The following FSTL5 variants were observed in gnomAD, a reference collection of about 807,000 sequenced individuals.
The protein encoded by FSTL5 is follistatin like 5.
Under a neutral mutation model 89.1 loss-of-function variants are expected in FSTL5, and 62 were observed. The ratio of observed to expected loss-of-function variants is 0.70; its 90% CI spans 0.57 to 0.86. The LOEUF (loss-of-function observed/expected upper bound fraction) is 0.86, where lower values mean the gene tolerates loss of function less well. FSTL5 is among the 40% of genes least tolerant of loss of function. The pLI, the probability that FSTL5 is intolerant of heterozygous loss-of-function variation, is 0.00. For missense variants in FSTL5, 1,057 were observed against 1,001.6 expected (o/e 1.06, Z -0.75); for synonymous variants, 383 against 346.2 (o/e 1.11, Z -1.18).
intron 8 of FSTL5, among the ~76,000 whole-genome samples, chr4:161,553,900 T>C (rs1266105112): frequency 6.6e-6 from 1 of 151,602 alleles, no homozygotes; most frequent in Non-Finnish European, 1.5e-5. Flanking sequence ...AAAAACGACA[T>C]CATCATTTAA....
At chr4:161,770,193 G>A (rs1197622408) in intron 5 of FSTL5, among the ~76,000 whole-genome samples, 3 of 152,028 alleles carry the variant, frequency 2.0e-5, no homozygotes, top group African/African-American at 4.8e-5. Context: ...ATAGAGCATA[G>A]AATGGTGATT....
intron 15 of FSTL5, among the ~76,000 whole-genome samples, chr4:161,410,690 C>A (rs986692947): frequency 6.6e-6 from 1 of 152,020 alleles, no homozygotes; most frequent in African/African-American, 2.4e-5. Context: ...AACAGAGACA[C>A]AACTTATCAA....
chr4:162,047,747 C>T (rs1738240782), intron 2 of FSTL5, among the ~76,000 whole-genome samples: 2 of 151,884 alleles, frequency 1.3e-5, no homozygotes, highest in South Asian at 2.1e-4. Flanking sequence ...ATTGCTTGAA[C>T]CTGGGAGGCG....
intron 15 of FSTL5, among the ~76,000 whole-genome samples, chr4:161,411,212 T>A (rs924917496): frequency 2.6e-4 from 39 of 151,948 alleles, no homozygotes; most frequent in African/African-American, 8.7e-4. Context: ...GCCCACCAAA[T>A]AAAGCCCCTG....
chr4:162,097,478 G>A (rs1579024908), intron 2 of FSTL5, among the ~76,000 whole-genome samples: 2 of 151,672 alleles, frequency 1.3e-5, no homozygotes, highest in South Asian at 4.1e-4. Flanking sequence ...GACTTTTATT[G>A]TCATAATCAA....
intron 4 of FSTL5, among the ~76,000 whole-genome samples, chr4:161,813,744 T>C (rs1025641985): frequency 2.6e-5 from 4 of 151,204 alleles, no homozygotes; most frequent in African/African-American, 9.7e-5. Context: ...GAAGATAGCA[T>C]ATTCTTAATT....
chr4:161,505,203 G>A (rs1048041687), intron 11 of FSTL5, among the ~76,000 whole-genome samples: 22 of 152,078 alleles, frequency 1.4e-4, no homozygotes, highest in African/African-American at 4.3e-4. Flanking sequence ...AATAGATTGC[G>A]TTGCATTTTC....
intron 3 of FSTL5, among the ~76,000 whole-genome samples, chr4:162,021,067 T>C (rs984081274): frequency 6.6e-6 from 1 of 152,134 alleles, no homozygotes. Context: ...GTTGTTTACA[T>C]TTTTATTTGC....
chr4:161,625,494 G>T (rs1355205942), intron 7 of FSTL5, among the ~76,000 whole-genome samples: 1 of 152,026 alleles, frequency 6.6e-6, no homozygotes, highest in Non-Finnish European at 1.5e-5. Flanking sequence ...TAAAAATTGC[G>T]TGTGTTCTTA....
chr4:161,835,417 C>A (rs1197853821), intron 4 of FSTL5, among the ~76,000 whole-genome samples: 1 of 151,968 alleles, frequency 6.6e-6, no homozygotes, highest in African/African-American at 2.4e-5. Context: ...TCCAAAACAC[C>A]AAAAGTAATG....
At chr4:162,008,684 T>C (rs1736678952) in intron 3 of FSTL5, among the ~76,000 whole-genome samples, 1 of 151,888 alleles carries the variant, frequency 6.6e-6, no homozygotes, top group African/African-American at 2.4e-5. Flanking sequence ...ATAGACACCA[T>C]TATTAAAAAC....
At position 161,558,125 on chromosome 4, in the gene FSTL5, G is replaced by A. The variant is rs1009458079; in HGVS notation, c.1016-15432C>T. Among the ~76,000 whole-genome samples the A allele has an allele frequency of 2.6e-5, 4 of 151,808 alleles. No homozygotes were observed. The East Asian group carries it at 5.8e-4, about 22-fold the overall frequency. On this transcript the variant is annotated intron_variant, in intron 8 of 15. Coordinates refer to ENST00000306100, the MANE Select transcript of FSTL5 (RefSeq NM_020116.5). The stretch of plus-strand genomic sequence containing the variant: ...CAGATAATTATGCTGAGTGAAAAAC[G>A]TTTTATAAAACAATCCCAGAAGGAT...
intron 6 of FSTL5, among the ~76,000 whole-genome samples, chr4:161,749,573 G>A (rs373592387): frequency 2.7e-4 from 41 of 152,062 alleles, no homozygotes; most frequent in African/African-American, 9.2e-4. Flanking sequence ...TGAGGCGGGC[G>A]GATCCCGAGG....
intron 10 of FSTL5, among the ~76,000 whole-genome samples, chr4:161,532,663 GACA>G (rs1731457242): frequency 6.6e-6 from 1 of 152,052 alleles, no homozygotes; most frequent in African/African-American, 2.4e-5. Context: ...ACACTCCACT[GACA>G]ACATTAGAAA....
At chr4:162,136,109 C>T (rs1027989197) in intron 1 of FSTL5, among the ~76,000 whole-genome samples, 4 of 151,960 alleles carry the variant, frequency 2.6e-5, no homozygotes, top group Admixed American at 1.3e-4. Context: ...ATCTCAGAAA[C>T]ATGTCTTAAG....
intron 2 of FSTL5, among the ~76,000 whole-genome samples, chr4:162,097,943 A>G (rs1730830876): frequency 6.6e-6 from 1 of 151,978 alleles, no homozygotes; most frequent in Admixed American, 6.6e-5. Flanking sequence ...ATGAGCCGGC[A>G]ATCCACTCCT....
rs532644433 is a variant in FSTL5 at position 161,533,032 on chromosome 4, G to T, written c.1312+5134C>A. 2.1e-3 allele frequency among the ~76,000 whole-genome samples: 325 copies of T among 151,978 alleles called. 3 individuals carry two copies. Among genetic ancestry groups the T allele is most frequent in the African/African-American group, 7.0e-3 (292 of 41,484 alleles). ...ATAAAAAAAAATCTTTGAAATTAAT[G>T]AAAATAGAGACACAATTTAAAATCT... On this transcript the variant is annotated intron_variant, in intron 10 of 15. Transcript: ENST00000306100.
At chr4:161,822,124 T>C (rs1730513064) in intron 4 of FSTL5, among the ~76,000 whole-genome samples, 1 of 152,166 alleles carries the variant, frequency 6.6e-6, no homozygotes. Context: ...ATGGCCATTC[T>C]TGCAGGAGTA....
intron 15 of FSTL5, 154 bp from the exon 16 acceptor site, chr4:161,386,603 T>C (rs1201295503): frequency 3.4e-6 from 2 of 592,834 alleles, no homozygotes; most frequent in Admixed American, 6.3e-5. Flanking sequence ...AATCTGTAGA[T>C]TGTGCCACTC....
Sources: allele counts gnomAD v4.1 joint callset (sites outside exome capture counted in the v4.1 genomes callset), GRCh38; gene constraint gnomAD v4.1.1; transcripts MANE v1.5; gene names NCBI Gene and HGNC (gene_info 2026-07-23, HGNC 2026-07-21).